ASB3: variants seen among roughly 807,000 people sequenced by gnomAD.
ASB3 encodes ankyrin repeat and SOCS box protein 3.
Under a neutral mutation model 54.5 loss-of-function variants are expected in ASB3, and 41 were observed. That is an observed-to-expected ratio of 0.75 (90% CI 0.59 to 0.98). ASB3 has a LOEUF of 0.98. ASB3 is among the 50% of genes least tolerant of loss of function. ASB3 has a pLI of 0.00. For synonymous variants in ASB3, 266 were observed against 221.2 expected (o/e 1.20, Z -1.80); for missense variants, 733 against 620.0 (o/e 1.18, Z -1.94).
intron 1 of ASB3, among the ~76,000 whole-genome samples, chr2:53,766,038 C>T (rs1673431605): frequency 6.6e-6 from 1 of 152,090 alleles, no homozygotes; most frequent in African/African-American, 2.4e-5. Context: ...AATATACAGC[C>T]CTCTATAGGA....
At chr2:53,725,389 G>A (rs1006207216) in intron 5 of ASB3, among the ~76,000 whole-genome samples, 2 of 152,130 alleles carry the variant, frequency 1.3e-5, no homozygotes, top group Non-Finnish European at 2.9e-5. Flanking sequence ...TCAGCATCAT[G>A]CAATACACCT....
At chr2:53,711,652 CA>C (rs1413956236) in intron 7 of ASB3, among the ~76,000 whole-genome samples, 1 of 152,052 alleles carries the variant, frequency 6.6e-6, no homozygotes, top group Non-Finnish European at 1.5e-5. Flanking sequence ...CACATGCCTA[CA>C]ATCCCAGCTA....
intron 1 of ASB3, among the ~76,000 whole-genome samples, chr2:53,783,190 G>C (rs1010808240): frequency 2.6e-5 from 4 of 151,952 alleles, no homozygotes; most frequent in African/African-American, 9.7e-5. Flanking sequence ...AAAGTTATAA[G>C]TGTTATCCTC....
At chr2:53,781,426 A>AG (rs1234120516) in intron 1 of ASB3, among the ~76,000 whole-genome samples, 2 of 152,036 alleles carry the variant, frequency 1.3e-5, no homozygotes, top group Admixed American at 1.3e-4. Flanking sequence ...AAAAAAAAAA[A>AG]AAGTGAGAGA....
At chr2:53,719,231 A>G (rs972194246) in intron 5 of ASB3, among the ~76,000 whole-genome samples, 1 of 152,164 alleles carries the variant, frequency 6.6e-6, no homozygotes, top group African/African-American at 2.4e-5. Flanking sequence ...CCAGGGGTCA[A>G]TATTCTTATA....
At chr2:53,696,595 C>T (rs1158739322) in intron 8 of ASB3, among the ~76,000 whole-genome samples, 2 of 152,066 alleles carry the variant, frequency 1.3e-5, no homozygotes, top group Admixed American at 6.6e-5. Flanking sequence ...TGGCACAAAT[C>T]CCTCAGGTTA....
At chr2:53,749,191 T>G (rs1406683590) in intron 3 of ASB3, among the ~76,000 whole-genome samples, 1 of 152,056 alleles carries the variant, frequency 6.6e-6, no homozygotes, top group Admixed American at 6.5e-5. Context: ...AAAATAATCA[T>G]ATGAATAGAT....
chr2:53,774,728 T>G (rs1674214536), intron 1 of ASB3: 2 of 444,156 alleles, frequency 4.5e-6, no homozygotes, highest in Non-Finnish European at 7.8e-6. Flanking sequence ...TTCCTAACTT[T>G]ATGTTATTGA....
intron 2 of ASB3, among the ~76,000 whole-genome samples, chr2:53,751,200 G>A (rs943598145): frequency 2.0e-5 from 3 of 152,134 alleles, no homozygotes; most frequent in African/African-American, 7.2e-5. Flanking sequence ...GGTGAATAAG[G>A]GAAGAGGAGT....
intron 1 of ASB3, among the ~76,000 whole-genome samples, chr2:53,784,501 A>C (rs1236327526): frequency 6.6e-6 from 1 of 152,210 alleles, no homozygotes; most frequent in Non-Finnish European, 1.5e-5. Context: ...AATTCTAGAA[A>C]CTAGAGGTCA....
intron 1 of ASB3, among the ~76,000 whole-genome samples, chr2:53,773,708 C>T (rs967656339): frequency 1.3e-5 from 2 of 151,516 alleles, no homozygotes; most frequent in Non-Finnish European, 2.9e-5. Context: ...GTATTACAGG[C>T]GTGAGCCACC....
At position 53,741,313 on chromosome 2, in the gene ASB3, G is replaced by A. The variant is rs112771939; in HGVS notation, c.355+9470C>T. On this transcript the variant is annotated intron_variant, in intron 3 of 9. Coordinates refer to ENST00000263634, the MANE Select transcript of ASB3 (RefSeq NM_016115.5). ...ACAATCCAGTTTGATAGCCACAAAGGCATGGCATGCTGTACAGCAGGGCTA... is the reference window on the plus strand; with the variant it reads ...ACAATCCAGTTTGATAGCCACAAAGACATGGCATGCTGTACAGCAGGGCTA... 7.2e-5 allele frequency among the ~76,000 whole-genome samples: 11 copies of A among 152,294 alleles called. 1 individual carries two copies. Among genetic ancestry groups the A allele is most frequent in the African/African-American group, 2.4e-4 (10 of 41,566 alleles).
intron 9 of ASB3, among the ~76,000 whole-genome samples, chr2:53,683,151 G>A (rs554121012): frequency 6.6e-6 from 1 of 152,096 alleles, no homozygotes; most frequent in East Asian, 1.9e-4. Context: ...GGCATACCCG[G>A]TTTTTTGAGG....
chr2:53,786,247 C>T (rs188744646), intron 1 of ASB3: 3 of 152,286 alleles, frequency 2.0e-5, no homozygotes, highest in Non-Finnish European at 2.9e-5. Context: ...TAAACACACA[C>T]ATTCATCTGG....
chr2:53,691,023 A>G (rs566047128), intron 9 of ASB3, among the ~76,000 whole-genome samples: 1 of 152,286 alleles, frequency 6.6e-6, no homozygotes, highest in South Asian at 2.1e-4. Context: ...TAAGACATCT[A>G]TTGCTATGTG....
chr2:53,749,795 T>C (rs568937973), intron 3 of ASB3, among the ~76,000 whole-genome samples: 81 of 152,160 alleles, frequency 5.3e-4, no homozygotes, highest in African/African-American at 1.9e-3. Flanking sequence ...AAAATATTGA[T>C]TAAAAATTGG....
intron 1 of ASB3, chr2:53,767,712 T>G: frequency 2.8e-6 from 2 of 709,606 alleles, no homozygotes; most frequent in South Asian, 1.9e-5. Context: ...TAAAGCTGAC[T>G]GAGATCCGCT....
intron 3 of ASB3, among the ~76,000 whole-genome samples, chr2:53,736,610 A>G (rs1671647286): frequency 1.3e-5 from 2 of 151,954 alleles, no homozygotes; most frequent in African/African-American, 4.8e-5. Flanking sequence ...GAGGCAGGAG[A>G]ATGGTGTGAA....
At chr2:53,736,487 A>G (rs1198636841) in intron 3 of ASB3, among the ~76,000 whole-genome samples, 2 of 151,394 alleles carry the variant, frequency 1.3e-5, no homozygotes, top group East Asian at 3.9e-4. Context: ...TCGCGAGGTC[A>G]GGAAATCGAG....
Sources: allele counts gnomAD v4.1 joint callset (sites outside exome capture counted in the v4.1 genomes callset), GRCh38; gene constraint gnomAD v4.1.1; transcripts MANE v1.5; gene names NCBI Gene and HGNC (gene_info 2026-07-23, HGNC 2026-07-21).